GRM3: variants seen among roughly 807,000 people sequenced by gnomAD.
GRM3 encodes the protein metabotropic glutamate receptor 3.
GRM3 carries 26 observed loss-of-function variants against 70.5 expected under a neutral mutation model. The ratio of observed to expected loss-of-function variants is 0.37; its 90% confidence interval spans 0.27 to 0.51. The LOEUF (loss-of-function observed/expected upper bound fraction) is 0.51. Ranked by LOEUF, GRM3 falls within the 20% of genes least tolerant of loss-of-function variation. The pLI, the probability that GRM3 is intolerant of heterozygous loss-of-function variation, is 0.93. For missense variants in GRM3, 859 were observed against 1,123.8 expected, an observed-to-expected ratio of 0.76 and a Z score of 3.37; for synonymous variants, 443 against 434.9, an observed-to-expected ratio of 1.02 and a Z score of -0.23.
rs2695806 is a variant in GRM3, at chr7:86,646,006, T to C, written c.-141+1134T>C. On this transcript the variant is annotated intron_variant, in intron 1 of 5. Transcript: ENST00000361669. ...GGGCGGGGGGGTGGGGGTGGGGGGG[T>C]GGGGGGGGGTGGGAGGGAGTTTAGG... is the stretch of plus-strand genomic sequence containing the variant. Among the ~76,000 whole-genome samples the C allele has an allele frequency of 3.8e-4, 4 of 10,644 alleles. 1 individual carries two copies. Among genetic ancestry groups the C allele is most frequent in the Admixed American group, 3.0e-3 (2 of 670 alleles). 7.0% of individuals were successfully genotyped at this position (10,644 alleles called of 152,430 possible).
intron 1 of GRM3, among the ~76,000 whole-genome samples, chr7:86,743,169 A>G (rs1333735451): frequency 6.6e-6 from 1 of 152,190 alleles, no homozygotes; most frequent in Non-Finnish European, 1.5e-5. Context: ...ATGTGAAAAT[A>G]CAAATAATAT....
chr7:86,723,929 A>C (rs1008208692), intron 1 of GRM3, among the ~76,000 whole-genome samples: 5 of 152,176 alleles, frequency 3.3e-5, no homozygotes, highest in African/African-American at 1.2e-4. Flanking sequence ...TAACGAATGC[A>C]TTTCAAATAA....
chr7:86,682,761 TGCCA>T (rs1393305013), intron 1 of GRM3, among the ~76,000 whole-genome samples: 1 of 152,182 alleles, frequency 6.6e-6, no homozygotes, highest in Non-Finnish European at 1.5e-5. Context: ...TCTTGCAATG[TGCCA>T]GAGAATGAGC....
intron 3 of GRM3, among the ~76,000 whole-genome samples, chr7:86,814,521 A>G (rs1244264200): frequency 1.3e-5 from 2 of 151,868 alleles, no homozygotes; most frequent in Non-Finnish European, 2.9e-5. Context: ...AGGATGTGGT[A>G]GACAATATCA....
chr7:86,647,397 G>A (rs1793500252), intron 1 of GRM3, among the ~76,000 whole-genome samples: 1 of 152,042 alleles, frequency 6.6e-6, no homozygotes, highest in Admixed American at 6.5e-5. Context: ...TTGTTTTCCT[G>A]CACTAAACAT....
chr7:86,787,000 C>T lies in GRM3; in HGVS notation c.1208C>T (p.Ala403Val), dbSNP rs757593227. Residue 403 changes from alanine (A) to valine (V), a missense_variant, in exon 3 of 6, where the codon GCT becomes GTT. Coordinates refer to ENST00000361669, the MANE Select transcript of GRM3 (RefSeq NM_000840.3). The surrounding 1 kb of genome is among the most constrained non-coding windows in gnomAD (Gnocchi z 6.0). The stretch of plus-strand genomic sequence containing the variant: ...AACGCGGTGTATGCCATGGCCCACG[C>T]TTTGCACAAAATGCAGCGCACCCTC... ...VVNAVYAMAH[A>V]LHKMQRTLCP... The T allele has an allele frequency of 1.9e-6, 3 of 1,613,950 alleles. No individual in the cohort carries two copies. The highest frequency in any genetic ancestry group is 2.5e-6 in the Non-Finnish European group (3 of 1,179,974).
intron 1 of GRM3, among the ~76,000 whole-genome samples, chr7:86,754,827 G>A (rs114704311): frequency 0.01 from 1,593 of 152,150 alleles, 24 homozygotes; most frequent in African/African-American, 0.036. Context: ...TAAGCAGCAC[G>A]GGTGTCACTA....
chr7:86,785,468 AG>A (rs1214805063), intron 2 of GRM3, among the ~76,000 whole-genome samples: 1 of 151,964 alleles, frequency 6.6e-6, no homozygotes, highest in Non-Finnish European at 1.5e-5. Flanking sequence ...AATACTTGGA[AG>A]TAAGTGGTCT....
chr7:86,709,448 A>G (rs556778227), intron 1 of GRM3, among the ~76,000 whole-genome samples: 34 of 152,186 alleles, frequency 2.2e-4, no homozygotes, highest in Admixed American at 1.5e-3. Flanking sequence ...TCTCTTGCAT[A>G]TCTACCTAAC....
chr7:86,829,683 C>T (rs2116709888), intron 3 of GRM3, among the ~76,000 whole-genome samples: 1 of 152,262 alleles, frequency 6.6e-6, no homozygotes, highest in East Asian at 1.9e-4. Context: ...TTATTAAGAT[C>T]ACCATCTGAC....
At chr7:86,731,287 C>T (rs1208129059) in intron 1 of GRM3, among the ~76,000 whole-genome samples, 1 of 152,172 alleles carries the variant, frequency 6.6e-6, no homozygotes, top group African/African-American at 2.4e-5. Context: ...TTCTTTTAGT[C>T]ACCTGGGTTT....
chr7:86,778,478 T>C (rs559580841), intron 2 of GRM3, among the ~76,000 whole-genome samples: 5 of 152,332 alleles, frequency 3.3e-5, no homozygotes, highest in South Asian at 2.1e-4. Context: ...TGTGTCAGCA[T>C]AGAAGGCACA....
chr7:86,794,323 A>AAGCTATCAGATTGCTGTACTCACCAGGAT (rs1797497100), intron 3 of GRM3, among the ~76,000 whole-genome samples: 1 of 152,180 alleles, frequency 6.6e-6, no homozygotes, highest in Non-Finnish European at 1.5e-5. Context: ...AGGTTCAGAA[A>AAGCTATCAGATTGCTGTACTCACCAGGAT]AGCTATCAGA....
chr7:86,827,966 G>C (rs920348899), intron 3 of GRM3, among the ~76,000 whole-genome samples: 76 of 152,122 alleles, frequency 5.0e-4, no homozygotes, highest in African/African-American at 1.7e-3. Flanking sequence ...CAAAAAATTA[G>C]CTGGGCGTGG....
intron 5 of GRM3, among the ~76,000 whole-genome samples, chr7:86,853,238 G>A (rs1798786393): frequency 6.6e-6 from 1 of 152,154 alleles, no homozygotes; most frequent in Non-Finnish European, 1.5e-5. Context: ...GGCATAAAAG[G>A]TAAGTCATGA....
chr7:86,665,173 A>G, intron 1 of GRM3, among the ~76,000 whole-genome samples: 1 of 152,034 alleles, frequency 6.6e-6, no homozygotes, highest in Admixed American at 6.6e-5. Flanking sequence ...CAAATTGAAT[A>G]TATTTGAGAA....
rs139812751 is a variant in GRM3, at chr7:86,694,711, T to A, written c.-141+49839T>A. 1.3e-3 allele frequency among the ~76,000 whole-genome samples: 203 copies of A among 152,300 alleles called. 1 individual carries two copies. The highest frequency in any genetic ancestry group is 4.6e-3 in the African/African-American group (190 of 41,566). On this transcript the variant is annotated intron_variant, in intron 1 of 5. Coordinates refer to ENST00000361669, the MANE Select transcript of GRM3 (RefSeq NM_000840.3). ...TTATTTTAAAGTATCTGGTTTCACT[T>A]AACAAGTGACTTTTTTATTTGGCCA... is the stretch of plus-strand genomic sequence containing the variant.
chr7:86,796,247 C>A (rs1797547951), intron 3 of GRM3, among the ~76,000 whole-genome samples: 1 of 152,022 alleles, frequency 6.6e-6, no homozygotes, highest in Non-Finnish European at 1.5e-5. Flanking sequence ...GTATAAGGTA[C>A]AAGGAAGGGA....
chr7:86,674,111 T>C (rs541163563), intron 1 of GRM3, among the ~76,000 whole-genome samples: 3 of 152,168 alleles, frequency 2.0e-5, no homozygotes, highest in African/African-American at 4.8e-5. Flanking sequence ...TGGTTTCTAA[T>C]GATCAGGAAT....
Sources: gnomAD v4.1 joint callset for allele counts (sites outside exome capture counted in the v4.1 genomes callset) on GRCh38, gnomAD v4.1.1 for gene constraint, Gnocchi (gnomAD v3.1) non-coding constraint, MANE v1.5 for transcripts, NCBI Gene and HGNC (gene_info 2026-07-23, HGNC 2026-07-21) for gene names.